MAGOHB: variants seen among roughly 807,000 people sequenced by gnomAD.
The protein encoded by MAGOHB is mago homolog B, exon junction complex subunit.
In MAGOHB, 15 loss-of-function variants were observed where a neutral mutation model predicts 20.9. That is an observed-to-expected ratio of 0.72 (90% confidence interval 0.48 to 1.11). The LOEUF (loss-of-function observed/expected upper bound fraction) is 1.11. Among genes scored for constraint, MAGOHB ranks in the 50% least tolerant of loss-of-function variants. The pLI, the probability that MAGOHB is intolerant of heterozygous loss-of-function variation, is 0.00. For synonymous variants in MAGOHB, 50 were observed against 57.9 expected (o/e 0.86, Z 0.62); for missense variants, 162 against 177.6 (o/e 0.91, Z 0.50).
rs1452072193 is a variant in MAGOHB, at chr12:10,610,648, TG to T, written c.126del (p.Tyr42Ter). The part of the protein sequence containing the change: ...GKLRYANNSN[Y>X]KNDVMIRKEA... Reference sequence around the variant, plus strand: ...TCTTTTCTGATCATGACATCATTTTTGTAATTGCTGTTGTTGGCATATCTAA... The same window carrying T: ...TCTTTTCTGATCATGACATCATTTTTTAATTGCTGTTGTTGGCATATCTAA... On this transcript the variant is annotated frameshift_variant, in exon 2 of 5. Coordinates refer to ENST00000320756, the MANE Select transcript of MAGOHB (RefSeq NM_018048.5). LOFTEE classifies it high-confidence loss of function. The T allele has an allele frequency of 6.3e-7, 1 of 1,586,556 alleles. No homozygotes were observed.
chr12:10,610,612 T>C lies in MAGOHB; in HGVS notation c.153+10A>G, dbSNP rs763400999. ...AAAAAAAAAAAAAAAGACATTCACA[T>C]AGAACTTACCTCTTTTCTGATCATG... On this transcript the variant is annotated intron_variant, in intron 2 of 4. Transcript: ENST00000320756. 4 of 1,393,760 alleles carry C rather than the reference T, an allele frequency of 2.9e-6. No individual in the cohort carries two copies. Among genetic ancestry groups the C allele is most frequent in the Non-Finnish European group, 3.8e-6 (4 of 1,052,070 alleles). 86.3% of individuals were successfully genotyped at this position (1,393,760 alleles called of 1,614,324 possible).
At chr12:10,611,685 T>C (rs1041088192) in intron 1 of MAGOHB, among the ~76,000 whole-genome samples, 1 of 136,138 alleles carries the variant, frequency 7.3e-6, no homozygotes, top group Non-Finnish European at 1.5e-5. Flanking sequence ...GAGGCGGAGG[T>C]TGCAGTGAGC....
intron 2 of MAGOHB, 150 bp from the exon 3 acceptor site, chr12:10,610,091 C>G (rs1865696486): frequency 1.8e-6 from 1 of 550,590 alleles, no homozygotes; most frequent in Non-Finnish European, 3.2e-6. Context: ...AATCACTTAT[C>G]CTTGTTACAC....
At chr12:10,603,582 G>A (rs1167330933), downstream of MAGOHB, among the ~76,000 whole-genome samples, 3 of 151,410 alleles carry the variant, frequency 2.0e-5, no homozygotes, top group South Asian at 2.1e-4. Flanking sequence ...GGCAATTTAA[G>A]AGAAAATAGT....
intron 1 of MAGOHB, chr12:10,612,713 A>G (rs1865769712): frequency 8.6e-7 from 1 of 1,161,428 alleles, no homozygotes; most frequent in Non-Finnish European, 1.1e-6. Context: ...ATATATCCAA[A>G]TGAACTTTCT....
chr12:10,602,165 A>AT (rs941684991), downstream of MAGOHB, among the ~76,000 whole-genome samples: 2 of 152,218 alleles, frequency 1.3e-5, no homozygotes, highest in African/African-American at 4.8e-5. Context: ...GCAGAGCACA[A>AT]TTTTTTATAC....
chr12:10,609,636 G>A, intron 3 of MAGOHB, 195 bp downstream of exon 3: 1 of 569,742 alleles, frequency 1.8e-6, no homozygotes, highest in Non-Finnish European at 3.1e-6. Context: ...TTAGAGCTAT[G>A]CACTGACTCC....
At position 10,607,855 on chromosome 12, in the gene MAGOHB, T is replaced by C; in HGVS notation, c.346A>G (p.Lys116Glu). ...IGSLIDVNQS[K>E]DPEGLRVFYY... ...GCCAAAATGCTTTAACATACTTACT[T>C]TGACTGATTTACATCAATAAGAGAA... The change falls in exon 4 of 5, where the codon AAG (lysine) becomes GAG (glutamate). Residue 116 changes from lysine to glutamate, a missense_variant and splice_region_variant. Coordinates refer to ENST00000320756, the MANE Select transcript of MAGOHB (RefSeq NM_018048.5). 1.3e-6 allele frequency: 2 copies of C among 1,557,470 alleles called. No individual in the cohort carries two copies. Among genetic ancestry groups the C allele is most frequent in the South Asian group, 2.3e-5 (2 of 86,820 alleles).
chr12:10,612,605 T>C, intron 1 of MAGOHB: 1 of 1,020,318 alleles, frequency 9.8e-7, no homozygotes, highest in Non-Finnish European at 1.2e-6. Context: ...AAGACAAATC[T>C]GCTTTAGTTA....
chr12:10,611,858 C>T (rs1865749394), intron 1 of MAGOHB, among the ~76,000 whole-genome samples: 1 of 150,210 alleles, frequency 6.7e-6, no homozygotes. Context: ...TTGATTAGAA[C>T]CACTGTTCTA....
downstream of MAGOHB, among the ~76,000 whole-genome samples, chr12:10,600,785 T>A (rs11836109): frequency 0.04 from 6,139 of 152,276 alleles, 423 homozygotes; most frequent in African/African-American, 0.14. Context: ...ATCTTCTGAT[T>A]ACAGTTCTAG....
intron 4 of MAGOHB, among the ~76,000 whole-genome samples, chr12:10,607,526 A>C (rs986570840): frequency 6.6e-6 from 1 of 152,178 alleles, no homozygotes; most frequent in Admixed American, 6.5e-5. Context: ...ATATAGGCCT[A>C]ATGAGGCTGA....
At chr12:10,613,044 G>A (rs775164620) in intron 1 of MAGOHB, 47 of 896,808 alleles carry the variant, frequency 5.2e-5, no homozygotes, top group Non-Finnish European at 7.1e-5. Flanking sequence ...AACACGTTGG[G>A]CTCCTCCCCT....
chr12:10,613,176 C>A (rs926359970), intron 1 of MAGOHB, among the ~76,000 whole-genome samples: 1 of 152,172 alleles, frequency 6.6e-6, no homozygotes, highest in East Asian at 1.9e-4. Context: ...TCAATCAGGG[C>A]GACGATCTAG....
rs756564036 is a variant in MAGOHB, at chr12:10,607,912, C to G, written c.289G>C (p.Glu97Gln). 4 of 1,586,046 alleles carry G rather than the reference C, an allele frequency of 2.5e-6. No homozygotes were observed. Among genetic ancestry groups the G allele is most frequent in the Non-Finnish European group, 3.4e-6 (4 of 1,164,164 alleles). Reference protein sequence around the residue: ...RQELEIVIGDEHISFTTSKIG... With the variant: ...RQELEIVIGDQHISFTTSKIG... Reference sequence around the variant, plus strand: ...TTTGATGTGGTAAAAGATATGTGCTCATCTCCAATTACAATTTCAAGCTCC... The same window carrying G: ...TTTGATGTGGTAAAAGATATGTGCTGATCTCCAATTACAATTTCAAGCTCC... The change falls in exon 4 of 5, where the codon GAG becomes CAG. Residue 97 changes from glutamate to glutamine, a missense_variant. By Grantham distance (29) the Glu-to-Gln change is conservative. Transcript: ENST00000320756.
At position 10,612,373 on chromosome 12, in the gene MAGOHB, G is replaced by C. The variant is rs905108720; in HGVS notation, c.94+1066C>G. ...AGATCGTGCCACTGCACTCAGATCTGGGTGACAGAGTGAGACCTTGTTTCA... is the reference window on the plus strand; with the variant it reads ...AGATCGTGCCACTGCACTCAGATCTCGGTGACAGAGTGAGACCTTGTTTCA... On this transcript the variant is annotated intron_variant, in intron 1 of 4. Coordinates refer to ENST00000320756, the MANE Select transcript of MAGOHB (RefSeq NM_018048.5). 3.3e-5 allele frequency among the ~76,000 whole-genome samples: 5 copies of C among 149,928 alleles called. No individual in the cohort carries two copies. The East Asian group carries it at 1.0e-3, about 30-fold the overall frequency.
chr12:10,607,793 T>C (rs544221143), intron 4 of MAGOHB, 61 bp downstream of exon 4: 6 of 888,232 alleles, frequency 6.8e-6, no homozygotes, highest in Admixed American at 2.2e-5. Context: ...AAACTGACTA[T>C]AGTTCTAAAA....
intron 4 of MAGOHB, among the ~76,000 whole-genome samples, 196 bp from the exon 5 acceptor site, chr12:10,606,570 A>G (rs1486303279): frequency 6.6e-6 from 1 of 152,104 alleles, no homozygotes; most frequent in Non-Finnish European, 1.5e-5. Flanking sequence ...CTTCATCAGT[A>G]TTCATTTTAG....
chr12:10,613,316 A>G (rs530722076), intron 1 of MAGOHB, 123 bp downstream of exon 1: 2 of 828,958 alleles, frequency 2.4e-6, no homozygotes, highest in Non-Finnish European at 4.1e-6. Flanking sequence ...TGCCTCCTCT[A>G]TTCTTAAGCT....
Sources: gnomAD v4.1 joint callset for allele counts (sites outside exome capture counted in the v4.1 genomes callset) on GRCh38, gnomAD v4.1.1 for gene constraint, MANE v1.5 for transcripts, NCBI Gene and HGNC (gene_info 2026-07-23, HGNC 2026-07-21) for gene names.